Variants in SPRED1 observed in about 807,000 individuals in gnomAD.
SPRED1 encodes the protein sprouty related EVH1 domain containing 1.
Under a neutral mutation model 52.3 loss-of-function variants are expected in SPRED1, and 18 were observed. The ratio of observed to expected loss-of-function variants is 0.34; its 90% confidence interval spans 0.24 to 0.51. The LOEUF (loss-of-function observed/expected upper bound fraction) is 0.51. Among genes scored for constraint, SPRED1 ranks in the 20% least tolerant of loss-of-function variants. The pLI is 0.97. For synonymous variants in SPRED1, 155 were observed against 179.7 expected (o/e 0.86, Z 1.10); for missense variants, 485 against 551.0 (o/e 0.88, Z 1.20).
At chr15:38,283,993 A>C (rs115427925) in intron 1 of SPRED1, among the ~76,000 whole-genome samples, 1 of 152,128 alleles carries the variant, frequency 6.6e-6, no homozygotes, top group Non-Finnish European at 1.5e-5. Context: ...TGTCCATGTG[A>C]TTATAAAAGA....
At chr15:38,350,253 T>G (rs1386136983) in intron 6 of SPRED1, among the ~76,000 whole-genome samples, 2 of 152,198 alleles carry the variant, frequency 1.3e-5, no homozygotes, top group Non-Finnish European at 2.9e-5. Context: ...TGCAGGTAGC[T>G]GCCCTCACAT....
intron 4 of SPRED1, among the ~76,000 whole-genome samples, chr15:38,330,076 G>T (rs12915075): frequency 0.22 from 33,812 of 152,022 alleles, 3,973 homozygotes; most frequent in Middle Eastern, 0.33. Context: ...GTGTTAGCAG[G>T]ATGTGTGTAA....
At chr15:38,276,070 A>T (rs767852082) in intron 1 of SPRED1, among the ~76,000 whole-genome samples, 2 of 152,230 alleles carry the variant, frequency 1.3e-5, no homozygotes, top group African/African-American at 2.4e-5. Flanking sequence ...TTAATAATAG[A>T]TACAGTTATT....
chr15:38,294,430 T>A (rs1381645279), intron 1 of SPRED1, among the ~76,000 whole-genome samples: 1 of 152,158 alleles, frequency 6.6e-6, no homozygotes, highest in East Asian at 1.9e-4. Context: ...TATATTACTG[T>A]ATCTTCGAGA....
chr15:38,325,954 A>T (rs11856659), intron 4 of SPRED1: 1 of 152,164 alleles, frequency 6.6e-6, no homozygotes, highest in Admixed American at 6.5e-5. Context: ...GCAGATTCTG[A>T]AGACCTGAAA....
intron 2 of SPRED1, among the ~76,000 whole-genome samples, chr15:38,310,153 G>GTGTGTGTGTGTGTGTGTGTTTT (rs373463622): frequency 2.3e-5 from 3 of 132,184 alleles, no homozygotes; most frequent in Admixed American, 7.8e-5. Flanking sequence ...GTGTGTGTGT[G>GTGTGTGTGTGTGTGTGTGTTTT]TTTGGAGACG....
At chr15:38,281,608 T>G (rs1457816877) in intron 1 of SPRED1, among the ~76,000 whole-genome samples, 2 of 146,966 alleles carry the variant, frequency 1.4e-5, no homozygotes, top group African/African-American at 5.0e-5. Context: ...TTGCTATGCT[T>G]CTCAGGCTGG....
At chr15:38,327,902 G>A (rs1414271694) in intron 4 of SPRED1, among the ~76,000 whole-genome samples, 18 of 152,154 alleles carry the variant, frequency 1.2e-4, no homozygotes, top group Admixed American at 1.2e-3. Context: ...CGATTAGAAT[G>A]ATAGCTAATT....
Position 38,268,720 on chromosome 15 carries a change from A to T in SPRED1, c.32+15503A>T, listed in dbSNP as rs140131498. Among the ~76,000 whole-genome samples, 1,056 of 152,334 alleles carry T rather than the reference A, an allele frequency of 6.9e-3. 9 individuals are homozygous for T. The highest frequency in any genetic ancestry group is 0.013 in the Admixed American group (192 of 15,308). ...CTTATTGCTTTATGTTAATGAAAGT[A>T]AGGTAATTAAAAGATTTTTCACAGG... On this transcript the variant is annotated intron_variant, in intron 1 of 6. Transcript: ENST00000299084.
Position 38,253,089 on chromosome 15 carries a change from C to A in SPRED1, c.-97C>A. On this transcript the variant is annotated 5_prime_UTR_variant, in exon 1 of 7. Coordinates refer to ENST00000299084, the MANE Select transcript of SPRED1 (RefSeq NM_152594.3). ...GCCCCTGTGCCGCTGCCCCCGCGCC[C>A]CCCCGGCCGCCGCTGCCTCCTGCCC... The A allele has an allele frequency of 1.8e-6, 2 of 1,082,798 alleles. No individual in the cohort carries two copies. The highest frequency in any genetic ancestry group is 5.2e-5 in the East Asian group (2 of 38,646). 67.1% of individuals were successfully genotyped at this position (1,082,798 alleles called of 1,614,324 possible). A position where few individuals can be genotyped will look rare whatever the true frequency, so the allele number is the denominator to read the frequency against.
chr15:38,331,119 T>C (rs772992215), intron 4 of SPRED1, among the ~76,000 whole-genome samples: 1 of 152,108 alleles, frequency 6.6e-6, no homozygotes, highest in Non-Finnish European at 1.5e-5. Context: ...TTATCAACCA[T>C]AAGAGAATAA....
chr15:38,319,879 G>C (rs903550376), intron 2 of SPRED1, among the ~76,000 whole-genome samples: 13 of 152,248 alleles, frequency 8.5e-5, no homozygotes, highest in African/African-American at 2.9e-4. Context: ...GCTTTCAAGA[G>C]GGGACACAAG....
chr15:38,274,445 T>C (rs1307085823), intron 1 of SPRED1, among the ~76,000 whole-genome samples: 1 of 152,234 alleles, frequency 6.6e-6, no homozygotes, highest in African/African-American at 2.4e-5. Flanking sequence ...CTCAAAGCAG[T>C]TGTGAGATTT....
At chr15:38,336,700 G>A (rs1895931237) in intron 4 of SPRED1, among the ~76,000 whole-genome samples, 1 of 151,702 alleles carries the variant, frequency 6.6e-6, no homozygotes, top group African/African-American at 2.4e-5. Context: ...AACATCATAG[G>A]TTCTCACTCG....
chr15:38,334,378 T>G (rs1277349501), intron 4 of SPRED1, among the ~76,000 whole-genome samples: 1 of 151,992 alleles, frequency 6.6e-6, no homozygotes, highest in African/African-American at 2.4e-5. Context: ...TTGGTTATGT[T>G]CACTTTCCTT....
intron 1 of SPRED1, among the ~76,000 whole-genome samples, chr15:38,274,947 ATGTT>A (rs1894516439): frequency 6.6e-6 from 1 of 152,198 alleles, no homozygotes. Context: ...GGTTAAGAAG[ATGTT>A]TGTTTTGCCA....
chr15:38,280,117 T>G (rs1894656030), intron 1 of SPRED1, among the ~76,000 whole-genome samples: 1 of 152,172 alleles, frequency 6.6e-6, no homozygotes, highest in East Asian at 1.9e-4. Context: ...GTAACCCCAG[T>G]GTCTTTAAAG....
intron 1 of SPRED1, among the ~76,000 whole-genome samples, chr15:38,276,060 T>G (rs1894545525): frequency 6.6e-6 from 1 of 152,224 alleles, no homozygotes; most frequent in Non-Finnish European, 1.5e-5. Context: ...AAATTATTTA[T>G]TAATAATAGA....
chr15:38,300,103 C>T (rs1403353), intron 2 of SPRED1, among the ~76,000 whole-genome samples: 125,391 of 152,090 alleles, frequency 0.82, 52,460 homozygotes, highest in Non-Finnish European at 0.9. Flanking sequence ...TATCTGGTGG[C>T]CAGCCTAATT....
Sources: allele counts gnomAD v4.1 joint callset (sites outside exome capture counted in the v4.1 genomes callset), GRCh38; gene constraint gnomAD v4.1.1; transcripts MANE v1.5; gene names NCBI Gene and HGNC (gene_info 2026-07-23, HGNC 2026-07-21).